Variants in ASPG observed in about 807,000 individuals in gnomAD.
The protein encoded by ASPG is asparaginase.
A neutral mutation model predicts 63.2 loss-of-function variants in ASPG; 53 were observed. The observed-to-expected ratio is 0.84, with a 90% confidence interval of 0.67 to 1.05. The LOEUF is 1.05. Ranked by LOEUF, ASPG falls within the 50% of genes least tolerant of loss-of-function variation. The pLI, the probability that ASPG is intolerant of heterozygous loss-of-function variation, is 0.00. For missense variants in ASPG, 741 were observed against 794.4 expected (o/e 0.93, Z 0.81); for synonymous variants, 370 against 355.0 (o/e 1.04, Z -0.48).
At position 104,111,456 on chromosome 14, in the gene ASPG, G is replaced by A. The variant is rs1409906647; in HGVS notation, c.1521-46G>A. 7 of 1,478,192 alleles carry A rather than the reference G, an allele frequency of 4.7e-6. No homozygotes were observed. In the East Asian group the frequency reaches 1.7e-4, roughly 37 times the overall value. The allele number at this position is 1,478,192 out of a possible 1,614,324, so 91.6% of individuals were successfully genotyped here. ...GGACAGGCACGTGGGCAGATGGACA[G>A]GTGCCCAGCAGGCCCCAACAACTCC... On this transcript the variant is annotated intron_variant, in intron 13 of 15. Coordinates refer to ENST00000551177, the MANE Select transcript of ASPG (RefSeq NM_001080464.3).
rs61746376 is a variant in ASPG at position 104,092,700 on chromosome 14, C to T, written c.150C>T (p.His50=). ...RTLPMFHDEE[H]ARARGLSEDT... ...TGCCCATGTTCCATGACGAGGAGCA[C>T]GCCCGAGCCCGCGGCCTCTCTGAGG... Residue 50 remains histidine, a synonymous_variant, in exon 2 of 16, where the codon CAC becomes CAT. Coordinates refer to ENST00000551177, the MANE Select transcript of ASPG (RefSeq NM_001080464.3). 3,653 of 1,537,428 alleles carry T rather than the reference C, an allele frequency of 2.4e-3. 9 individuals carry two copies. The highest frequency in any genetic ancestry group is 2.8e-3 in the Non-Finnish European group (3,182 of 1,147,422).
At chr14:104,095,143 C>T (rs1322436504) in intron 3 of ASPG, among the ~76,000 whole-genome samples, 2 of 152,204 alleles carry the variant, frequency 1.3e-5, no homozygotes, top group Non-Finnish European at 2.9e-5. Flanking sequence ...CGTCCTTGTG[C>T]CCACCGTTGT....
chr14:104,088,770 C>T (rs766671768), intron 1 of ASPG, among the ~76,000 whole-genome samples: 1 of 152,172 alleles, frequency 6.6e-6, no homozygotes. Flanking sequence ...CTTGACTTCG[C>T]TGGTGACAGT....
chr14:104,088,058 G>A (rs542826977), intron 1 of ASPG, among the ~76,000 whole-genome samples: 2 of 152,212 alleles, frequency 1.3e-5, no homozygotes, highest in Non-Finnish European at 2.9e-5. Flanking sequence ...CCCATGTGGG[G>A]CATCCACTTC....
intron 5 of ASPG, among the ~76,000 whole-genome samples, chr14:104,097,931 CGT>C (rs2036678895): frequency 8.0e-6 from 1 of 125,038 alleles, no homozygotes; most frequent in African/African-American, 3.1e-5. Flanking sequence ...GTTAGAGATG[CGT>C]ATGGAGGTTC....
chr14:104,098,727 G>A (rs1047153213), intron 5 of ASPG, 126 bp from the exon 6 acceptor site: 8 of 1,429,384 alleles, frequency 5.6e-6, no homozygotes, highest in Admixed American at 2.0e-5. Flanking sequence ...CCTGCGGTGG[G>A]TGGGGTTACA....
intron 14 of ASPG, 50 bp from the exon 15 acceptor site, chr14:104,111,870 G>T (rs748237810): frequency 2.6e-6 from 4 of 1,517,570 alleles, no homozygotes; most frequent in Non-Finnish European, 3.6e-6. Context: ...CTTGGGCCAG[G>T]CTGCTAGTCA....
At chr14:104,108,056 G>T (rs374733118) in intron 12 of ASPG, among the ~76,000 whole-genome samples, 1 of 152,126 alleles carries the variant, frequency 6.6e-6, no homozygotes, top group South Asian at 2.1e-4. Context: ...GAGAAGGCCG[G>T]GGTGTCTGAG....
chr14:104,098,008 G>GCGTATGGAGGTTATACCTTAGAGATA (rs2036689160), intron 5 of ASPG, among the ~76,000 whole-genome samples: 1 of 54,854 alleles, frequency 1.8e-5, no homozygotes, highest in African/African-American at 4.8e-5. Flanking sequence ...CGTTAGAGAT[G>GCGTATGGAGGTTATACCTTAGAGATA]CGTATGGAGG....
intron 3 of ASPG, 64 bp from the exon 4 acceptor site, chr14:104,095,467 C>G (rs1181212771): frequency 1.9e-6 from 3 of 1,603,366 alleles, no homozygotes; most frequent in Non-Finnish European, 2.6e-6. Context: ...TTCCCCCATG[C>G]TGCAACCTCC....
chr14:104,111,839 G>T, intron 14 of ASPG, 81 bp from the exon 15 acceptor site: 1 of 1,379,952 alleles, frequency 7.2e-7, no homozygotes, highest in Non-Finnish European at 1.0e-6. Flanking sequence ...GACAGGGGAG[G>T]GCATCCTGGG....
In ASPG at chr14:104,112,819, C is replaced by T; in HGVS notation, c.*275C>T. 1 of 600,230 alleles carries T rather than the reference C, an allele frequency of 1.7e-6. No homozygotes were observed. Among genetic ancestry groups the T allele is most frequent in the Non-Finnish European group, 2.8e-6 (1 of 359,146 alleles). The allele number at this position is 600,230 out of a possible 1,614,324, so 37.2% of individuals were successfully genotyped here. A position where few individuals can be genotyped will look rare whatever the true frequency, so the allele number is the denominator to read the frequency against. Reference sequence around the variant, plus strand: ...GGGGTCTCTGCGGGGGTCACTTGGCCCATCCTTCCGGGGGCAGCTGTGCGT... The same window carrying T: ...GGGGTCTCTGCGGGGGTCACTTGGCTCATCCTTCCGGGGGCAGCTGTGCGT... On this transcript the variant is annotated 3_prime_UTR_variant, in exon 16 of 16. Coordinates refer to ENST00000551177, the MANE Select transcript of ASPG (RefSeq NM_001080464.3).
chr14:104,109,313 C>T lies in ASPG; in HGVS notation c.1518C>T (p.Cys506=). The change falls in exon 13 of 16, where the codon TGC becomes TGT. Residue 506 remains cysteine (C), a splice_region_variant and synonymous_variant. Coordinates refer to ENST00000551177, the MANE Select transcript of ASPG (RefSeq NM_001080464.3). The surrounding 1 kb of genome is among the most constrained non-coding windows in gnomAD (Gnocchi z 4.8). ...TGGAGGAAGCAGGGACGGAGCTGTGCAGGTGAGTGCAGCTAGAGCACCTGC... is the reference window on the plus strand; with the variant it reads ...TGGAGGAAGCAGGGACGGAGCTGTGTAGGTGAGTGCAGCTAGAGCACCTGC... ...QELEEAGTEL[C]RLAYRADLEG... is the part of the protein sequence containing the mutation. 1.2e-6 allele frequency: 2 copies of T among 1,607,584 alleles called. No individual in the cohort carries two copies.
rs1168297228 is a variant in ASPG, at chr14:104,109,534, A to T, written c.1520+219A>T. ...GAAGGAGTTGTTCTCAGCTGAGCGAACAGTCCAGCAAGGGTGTCTCTGTGT... is the reference window on the plus strand; with the variant it reads ...GAAGGAGTTGTTCTCAGCTGAGCGATCAGTCCAGCAAGGGTGTCTCTGTGT... On this transcript the variant is annotated intron_variant, in intron 13 of 15. Coordinates refer to ENST00000551177, the MANE Select transcript of ASPG (RefSeq NM_001080464.3). The surrounding 1 kb of genome is among the most constrained non-coding windows in gnomAD (Gnocchi z 4.8). 6.6e-6 allele frequency among the ~76,000 whole-genome samples: 1 copy of T among 151,994 alleles called. No individual in the cohort carries two copies. Among genetic ancestry groups the T allele is most frequent in the East Asian group, 1.9e-4 (1 of 5,190 alleles).
rs1202506708 is a variant in ASPG at position 104,109,476 on chromosome 14, G to C, written c.1520+161G>C. Reference sequence around the variant, plus strand: ...TGCACCAACCTGGCTGATGGGAAGAGGTGTCTACCCTGGACCATGTCATGG... The same window carrying C: ...TGCACCAACCTGGCTGATGGGAAGACGTGTCTACCCTGGACCATGTCATGG... On this transcript the variant is annotated intron_variant, in intron 13 of 15. Coordinates refer to ENST00000551177, the MANE Select transcript of ASPG (RefSeq NM_001080464.3). This position sits in a 1 kb window ranked among gnomAD's most constrained non-coding sequence, Gnocchi z 4.8. Among the ~76,000 whole-genome samples, 1 of 152,168 alleles carries C rather than the reference G, an allele frequency of 6.6e-6. No homozygotes were observed. Among genetic ancestry groups the C allele is most frequent in the Admixed American group, 6.5e-5 (1 of 15,278 alleles).
chr14:104,112,791 T>C lies in ASPG; in HGVS notation c.*247T>C, dbSNP rs2141069361. On this transcript the variant is annotated 3_prime_UTR_variant, in exon 16 of 16. Transcript: ENST00000551177. ...TGTGTGGGGAGTCAGGCCCAGGCTCTGTGGGGTCTCTGCGGGGGTCACTTG... is the reference window on the plus strand; with the variant it reads ...TGTGTGGGGAGTCAGGCCCAGGCTCCGTGGGGTCTCTGCGGGGGTCACTTG... 1 of 802,136 alleles carries C rather than the reference T, an allele frequency of 1.2e-6. No individual in the cohort carries two copies. The highest frequency in any genetic ancestry group is 1.9e-6 in the Non-Finnish European group (1 of 527,288). The allele number at this position is 802,136 out of a possible 1,614,324, so 49.7% of individuals were successfully genotyped here.
chr14:104,112,788 C>A lies in ASPG; in HGVS notation c.*244C>A. 2.5e-6 allele frequency: 2 copies of A among 815,338 alleles called. No homozygotes were observed. The highest frequency in any genetic ancestry group is 3.7e-6 in the Non-Finnish European group (2 of 537,868). 50.5% of individuals were successfully genotyped at this position (815,338 alleles called of 1,614,324 possible). On this transcript the variant is annotated 3_prime_UTR_variant, in exon 16 of 16. Coordinates refer to ENST00000551177, the MANE Select transcript of ASPG (RefSeq NM_001080464.3). ...ATGTGTGTGGGGAGTCAGGCCCAGGCTCTGTGGGGTCTCTGCGGGGGTCAC... is the reference window on the plus strand; with the variant it reads ...ATGTGTGTGGGGAGTCAGGCCCAGGATCTGTGGGGTCTCTGCGGGGGTCAC...
rs767259270 is a variant in ASPG, at chr14:104,111,972, G to T, written c.1673G>T (p.Gly558Val). Residue 558 changes from glycine (G) to valine (V), a missense_variant, in exon 15 of 16, where the codon GGT becomes GTT. Coordinates refer to ENST00000551177, the MANE Select transcript of ASPG (RefSeq NM_001080464.3). ...AVVAFLQSLEGAVGAQAPCPE... is the reference protein window; with the variant it reads ...AVVAFLQSLEVAVGAQAPCPE... ...GTGGCCTTTCTACAGAGCCTGGAGG[G>T]TGCGGTTGGTGCCCAGGCCCCATGC... 6.4e-5 allele frequency: 99 copies of T among 1,556,678 alleles called. 2 individuals carry two copies. The South Asian group carries it at 7.4e-4, about 12-fold the overall frequency.
chr14:104,110,568 C>A lies in ASPG; in HGVS notation c.1521-934C>A. On this transcript the variant is annotated intron_variant, in intron 13 of 15. Coordinates refer to ENST00000551177, the MANE Select transcript of ASPG (RefSeq NM_001080464.3). The surrounding 1 kb of genome is among the most constrained non-coding windows in gnomAD (Gnocchi z 4.7). ...CCCTCGGCTAGGCCTTCCTAGGGGCCGGTGTGTGTGTGGGGCTTGGCCTCT... is the reference window on the plus strand; with the variant it reads ...CCCTCGGCTAGGCCTTCCTAGGGGCAGGTGTGTGTGTGGGGCTTGGCCTCT... 2.0e-6 allele frequency: 2 copies of A among 985,180 alleles called. No individual in the cohort carries two copies. Among genetic ancestry groups the A allele is most frequent in the Non-Finnish European group, 2.4e-6 (2 of 829,818 alleles). The allele number at this position is 985,180 out of a possible 1,614,324, so 61.0% of individuals were successfully genotyped here.
Sources: allele counts gnomAD v4.1 joint callset (sites outside exome capture counted in the v4.1 genomes callset), GRCh38; gene constraint gnomAD v4.1.1; non-coding constraint Gnocchi (gnomAD v3.1); transcripts MANE v1.5; gene names NCBI Gene and HGNC (gene_info 2026-07-23, HGNC 2026-07-21).